MPPE1: variants seen among roughly 807,000 people sequenced by gnomAD.
The protein encoded by MPPE1 is metallophosphoesterase 1.
MPPE1 carries 28 observed loss-of-function variants against 43.8 expected under a neutral mutation model. The ratio of observed to expected loss-of-function variants is 0.64; its 90% CI spans 0.47 to 0.88. MPPE1 has a LOEUF of 0.88. Among genes scored for constraint, MPPE1 ranks in the 40% least tolerant of loss-of-function variants. MPPE1 has a pLI of 0.00. For missense variants in MPPE1, 428 were observed against 492.2 expected (o/e 0.87, Z 1.23); for synonymous variants, 159 against 188.5 (o/e 0.84, Z 1.28).
At chr18:11,899,308 G>C (rs955782657) in intron 2 of MPPE1, among the ~76,000 whole-genome samples, 1 of 152,190 alleles carries the variant, frequency 6.6e-6, no homozygotes, top group African/African-American at 2.4e-5. Flanking sequence ...GATTGCAACA[G>C]AGCCACCATC....
At chr18:11,884,725 C>T in intron 10 of MPPE1, 98 bp from the exon 11 acceptor site, 1 of 1,394,800 alleles carries the variant, frequency 7.2e-7, no homozygotes, top group Non-Finnish European at 9.8e-7. Context: ...TCTCAGGTCC[C>T]CCTCAGGTGA....
rs2036865357 is a variant in MPPE1, at chr18:11,884,421, G to A, written c.*24C>T. On this transcript the variant is annotated 3_prime_UTR_variant, in exon 11 of 11. Coordinates refer to ENST00000588072, the MANE Select transcript of MPPE1 (RefSeq NM_023075.6). ...CCCAAAGTTCCATTTCTTGGGCTTT[G>A]ATATTTATAATGGCGCCTGCTCTTC... is the stretch of plus-strand genomic sequence containing the variant. 1.2e-6 allele frequency: 2 copies of A among 1,607,202 alleles called. No individual in the cohort carries two copies. Among genetic ancestry groups the A allele is most frequent in the Non-Finnish European group, 1.7e-6 (2 of 1,175,346 alleles).
At chr18:11,904,892 G>A (rs900354442) in intron 2 of MPPE1, among the ~76,000 whole-genome samples, 1 of 151,876 alleles carries the variant, frequency 6.6e-6, no homozygotes, top group South Asian at 2.1e-4. Context: ...GCAGTGAGCC[G>A]AGATTTCACC....
intron 2 of MPPE1, among the ~76,000 whole-genome samples, chr18:11,904,955 GA>G (rs905235650): frequency 1.1e-4 from 17 of 150,076 alleles, no homozygotes; most frequent in South Asian, 2.1e-4. Context: ...AAAAAAAGAA[GA>G]AAAAAAAAGA....
At position 11,886,573 on chromosome 18, in the gene MPPE1, C is replaced by T. The variant is rs1567927271; in HGVS notation, c.793G>A (p.Ala265Thr). ...ATGTCCCTTTCCTCTGCAGGAGCAG[C>T]GTCTTCCCCAGAACAGTTAGCATCA... ...RSDANCSGED[A>T]APAEERDIPF... The change falls in exon 9 of 11, where the codon GCT (alanine) becomes ACT (threonine). Residue 265 changes from alanine to threonine, a missense_variant. Coordinates refer to ENST00000588072, the MANE Select transcript of MPPE1 (RefSeq NM_023075.6). The surrounding 1 kb of genome is among the most constrained non-coding windows in gnomAD (Gnocchi z 4.1). 4.3e-6 allele frequency: 7 copies of T among 1,614,176 alleles called. No individual in the cohort carries two copies. Among genetic ancestry groups the T allele is most frequent in the East Asian group, 2.2e-5 (1 of 44,880 alleles).
In MPPE1 at chr18:11,883,362, G is replaced by T. The variant is rs2036765277; in HGVS notation, c.*1083C>A. 6.5e-6 allele frequency: 1 copy of T among 153,192 alleles called. No homozygotes were observed. The highest frequency in any genetic ancestry group is 1.5e-5 in the Non-Finnish European group (1 of 68,042). 9.5% of individuals were successfully genotyped at this position (153,192 alleles called of 1,614,324 possible). On this transcript the variant is annotated 3_prime_UTR_variant, in exon 11 of 11. Transcript: ENST00000588072. ...CACCCCCAGCAAGAAAGGGAAGTAT[G>T]CTGTTGTATGCATCATTACTCAACA...
chr18:11,890,035 G>A (rs1035688764), intron 4 of MPPE1, among the ~76,000 whole-genome samples: 6 of 149,244 alleles, frequency 4.0e-5, no homozygotes, highest in South Asian at 2.1e-4. Context: ...CTCTGCCTCC[G>A]GGGTTCACGC....
Position 11,884,044 on chromosome 18 carries a change from C to A in MPPE1, c.*401G>T. 5.7e-6 allele frequency: 1 copy of A among 175,814 alleles called. No individual in the cohort carries two copies. The allele number at this position is 175,814 out of a possible 1,614,324, so 10.9% of individuals were successfully genotyped here. On this transcript the variant is annotated 3_prime_UTR_variant, in exon 11 of 11. Coordinates refer to ENST00000588072, the MANE Select transcript of MPPE1 (RefSeq NM_023075.6). ...ACAGTACATAGGAATTTGAGAACCA[C>A]TTCACAGGAAGAGGGAAACAGCCCA...
At position 11,897,013 on chromosome 18, in the gene MPPE1, G is replaced by T. The variant is rs757428231; in HGVS notation, c.252C>A (p.Phe84Leu). ...GTAATTTGTCCAGCCAGTGGCCTAGGAATTCCCCAAGCAAATGGGTGTCAG... is the reference window on the plus strand; with the variant it reads ...GTAATTTGTCCAGCCAGTGGCCTAGTAATTCCCCAAGCAAATGGGTGTCAG... ...FLADTHLLGEFLGHWLDKLRR... is the reference protein window; with the variant it reads ...FLADTHLLGELLGHWLDKLRR... Residue 84 changes from phenylalanine to leucine, a missense_variant, in exon 3 of 11, where the codon TTC becomes TTA. This residue lies in a region of MPPE1 where 379 missense variants were observed against 402.5 expected (regional missense o/e 0.94). Coordinates refer to ENST00000588072, the MANE Select transcript of MPPE1 (RefSeq NM_023075.6). The T allele has an allele frequency of 4.4e-6, 7 of 1,592,008 alleles. No individual in the cohort carries two copies. The African/African-American group carries it at 9.5e-5, about 22-fold the overall frequency.
chr18:11,907,918 T>C (rs1327754676), intron 1 of MPPE1: 1 of 152,202 alleles, frequency 6.6e-6, no homozygotes, highest in East Asian at 1.9e-4. Context: ...TCTAATTCAC[T>C]ATCTTAAATA....
intron 10 of MPPE1, chr18:11,884,839 G>A (rs1281907052): frequency 7.2e-7 from 1 of 1,383,588 alleles, no homozygotes; most frequent in Non-Finnish European, 9.4e-7. Flanking sequence ...GACAAGTAAG[G>A]CCCAAGTGTG....
chr18:11,895,652 G>A (rs940925368), intron 3 of MPPE1, among the ~76,000 whole-genome samples: 13 of 152,064 alleles, frequency 8.5e-5, no homozygotes, highest in Admixed American at 5.2e-4. Context: ...TAGCTCAAGC[G>A]ATCCTCCTGC....
chr18:11,901,700 G>A (rs1386247374), intron 2 of MPPE1, among the ~76,000 whole-genome samples: 7 of 152,050 alleles, frequency 4.6e-5, no homozygotes, highest in African/African-American at 1.2e-4. Flanking sequence ...TTAGGCAGGT[G>A]TGGTGGTGCA....
chr18:11,901,471 T>C (rs2039197076), intron 2 of MPPE1, among the ~76,000 whole-genome samples: 1 of 151,596 alleles, frequency 6.6e-6, no homozygotes, highest in Admixed American at 6.6e-5. Flanking sequence ...CCTCAGGTGA[T>C]CCACCCGCCT....
At chr18:11,892,383 A>G (rs2144384554) in intron 4 of MPPE1, among the ~76,000 whole-genome samples, 1 of 149,452 alleles carries the variant, frequency 6.7e-6, no homozygotes, top group Non-Finnish European at 1.5e-5. Context: ...AAAAAGAAAA[A>G]GAAAGGGCAG....
chr18:11,903,775 C>A (rs1387830811), intron 2 of MPPE1, among the ~76,000 whole-genome samples: 1 of 152,182 alleles, frequency 6.6e-6, no homozygotes. Flanking sequence ...CATTGCACTC[C>A]AGCCTGGGGG....
At chr18:11,903,471 G>A (rs531078360) in intron 2 of MPPE1, among the ~76,000 whole-genome samples, 50 of 152,270 alleles carry the variant, frequency 3.3e-4, no homozygotes, top group African/African-American at 1.1e-3. Flanking sequence ...GGTGCAAGAC[G>A]CCAGAAGTGG....
intron 3 of MPPE1, chr18:11,895,086 T>G (rs2038447451): frequency 6.6e-6 from 1 of 152,226 alleles, no homozygotes; most frequent in South Asian, 2.1e-4. Context: ...TTCCTCCTTT[T>G]TAAGGCATTT....
intron 6 of MPPE1, 129 bp from the exon 7 acceptor site, chr18:11,887,154 C>A: frequency 1.6e-6 from 1 of 610,976 alleles, no homozygotes; most frequent in African/African-American, 1.9e-5. Flanking sequence ...TCAATCCCAC[C>A]CAGAATAATT....
Sources: gnomAD v4.1 joint callset for allele counts (sites outside exome capture counted in the v4.1 genomes callset) on GRCh38, gnomAD v4.1.1 for gene constraint, gnomAD v4.1.1 regional missense constraint, Gnocchi (gnomAD v3.1) non-coding constraint, MANE v1.5 for transcripts, NCBI Gene and HGNC (gene_info 2026-07-23, HGNC 2026-07-21) for gene names.